Variants in HMG20A observed in about 807,000 individuals in gnomAD.
HMG20A encodes high mobility group protein 20A.
In HMG20A, 17 loss-of-function variants were observed where a neutral mutation model predicts 43.9. The observed-to-expected ratio is 0.39, with a 90% CI of 0.27 to 0.58. HMG20A has a LOEUF of 0.58. HMG20A is among the 20% of genes least tolerant of loss of function. The pLI, the probability that HMG20A is intolerant of heterozygous loss-of-function variation, is 0.59. For missense variants in HMG20A, 341 were observed against 438.2 expected (o/e 0.78, Z 1.98); for synonymous variants, 132 against 147.5 (o/e 0.89, Z 0.76).
At chr15:77,445,352 T>C (rs1262699338) in intron 1 of HMG20A, among the ~76,000 whole-genome samples, 1 of 152,148 alleles carries the variant, frequency 6.6e-6, no homozygotes, top group African/African-American at 2.4e-5. Flanking sequence ...TAACTATGAA[T>C]TTTATGTTTG....
rs943366779 is a variant in HMG20A, at chr15:77,484,119, T to G, written c.*1156T>G. The G allele has an allele frequency of 2.7e-5, 4 of 150,826 alleles. No homozygotes were observed. The highest frequency in any genetic ancestry group is 7.4e-5 in the African/African-American group (3 of 40,286). The allele number at this position is 150,826 out of a possible 1,614,324, so 9.3% of individuals were successfully genotyped here. ...GGACTTTCTGGTTCATTTTTGTTTGTTTTGTTTTGTTTTGTTTTGTTTACA... is the reference window on the plus strand; with the variant it reads ...GGACTTTCTGGTTCATTTTTGTTTGGTTTGTTTTGTTTTGTTTTGTTTACA... On this transcript the variant is annotated 3_prime_UTR_variant, in exon 10 of 10. Coordinates refer to ENST00000336216, the MANE Select transcript of HMG20A (RefSeq NM_001304504.2).
the HMG20A span, among the ~76,000 whole-genome samples, chr15:77,502,582 A>C: frequency 1.3e-5 from 2 of 152,172 alleles, no homozygotes; most frequent in African/African-American, 4.8e-5. Flanking sequence ...TCCTGTCCAG[A>C]TTGGGAGCCA....
the HMG20A span, among the ~76,000 whole-genome samples, chr15:77,518,759 C>G: frequency 1.3e-5 from 2 of 152,196 alleles, no homozygotes; most frequent in Non-Finnish European, 2.9e-5. Flanking sequence ...CATCTCAGAA[C>G]AGTCCAGGTG....
intron 1 of HMG20A, among the ~76,000 whole-genome samples, chr15:77,429,319 G>A (rs1368237043): frequency 6.6e-6 from 1 of 152,090 alleles, no homozygotes; most frequent in Admixed American, 6.6e-5. Flanking sequence ...AGCCTCCCAA[G>A]TAGCTGGGAT....
At chr15:77,510,218 G>A in the HMG20A span, among the ~76,000 whole-genome samples, 3 of 152,290 alleles carry the variant, frequency 2.0e-5, no homozygotes, top group Admixed American at 6.5e-5. Context: ...CACACAGCAT[G>A]CCTCAGTGAG....
intron 1 of HMG20A, among the ~76,000 whole-genome samples, chr15:77,438,101 C>T (rs1033273967): frequency 1.3e-5 from 2 of 150,964 alleles, no homozygotes; most frequent in Non-Finnish European, 2.9e-5. Flanking sequence ...GGACTGCAAG[C>T]TCATACCACC....
At chr15:77,475,749 G>A (rs998757325) in intron 6 of HMG20A, among the ~76,000 whole-genome samples, 29 of 152,236 alleles carry the variant, frequency 1.9e-4, no homozygotes, top group African/African-American at 7.0e-4. Context: ...AACAGTTAAA[G>A]CATATGGGAA....
Position 77,464,367 on chromosome 15 carries a change from G to A in HMG20A, c.217G>A (p.Glu73Lys). Residue 73 changes from glutamate (E) to lysine (K), a missense_variant, in exon 3 of 10, where the codon GAA becomes AAA. Around this residue, in one of 3 missense-constraint regions of HMG20A, gnomAD observed 220 missense variants for 263.6 expected, o/e 0.83. Transcript: ENST00000336216. ...SESSNAAEGN[E>K]QRHEDEQRSK... ...GTCTTCAAATGCAGCAGAAGGCAAT[G>A]AACAGAGGCATGAAGATGAGGTAAG... 1 of 1,613,666 alleles carries A rather than the reference G, an allele frequency of 6.2e-7. No individual in the cohort carries two copies.
intron 1 of HMG20A, among the ~76,000 whole-genome samples, chr15:77,452,347 G>A (rs757601030): frequency 1.5e-4 from 23 of 152,228 alleles, no homozygotes; most frequent in Non-Finnish European, 2.9e-4. Flanking sequence ...AAAGACAAGT[G>A]TAGTACAGTG....
At chr15:77,463,355 C>T (rs560464417) in intron 2 of HMG20A, among the ~76,000 whole-genome samples, 3 of 152,120 alleles carry the variant, frequency 2.0e-5, no homozygotes, top group Non-Finnish European at 4.4e-5. Flanking sequence ...TTAGTACTTA[C>T]GTTGCATTGT....
chr15:77,444,540 A>G (rs2073651965), intron 1 of HMG20A, among the ~76,000 whole-genome samples: 1 of 152,242 alleles, frequency 6.6e-6, no homozygotes. Context: ...AAAAAGAAAC[A>G]ATCAGTAGCT....
At chr15:77,425,642 G>A (rs919274368) in intron 1 of HMG20A, among the ~76,000 whole-genome samples, 32 of 152,310 alleles carry the variant, frequency 2.1e-4, no homozygotes, top group African/African-American at 6.5e-4. Context: ...AAGATGGTAG[G>A]TGTTTGAGTA....
chr15:77,480,107 A>G (rs2072892638), intron 9 of HMG20A, among the ~76,000 whole-genome samples: 1 of 151,978 alleles, frequency 6.6e-6, no homozygotes, highest in East Asian at 1.9e-4. Flanking sequence ...TCTGGGCAAC[A>G]TGACAAAACC....
chr15:77,470,975 A>G lies in HMG20A; in HGVS notation c.516A>G (p.Lys172=). The change falls in exon 5 of 10, where the codon AAA becomes AAG. Residue 172 remains lysine, a synonymous_variant. Coordinates refer to ENST00000336216, the MANE Select transcript of HMG20A (RefSeq NM_001304504.2). Reference sequence around the variant, plus strand: ...TGAAGGAACTGGAACAGTATCAGAAAACAGAGGCCTACAAGGTCTTCAGTA... The same window carrying G: ...TGAAGGAACTGGAACAGTATCAGAAGACAGAGGCCTACAAGGTCTTCAGTA... ...RYMKELEQYQ[K]TEAYKVFSRK... is the part of the protein sequence containing the mutation. 6.2e-7 allele frequency: 1 copy of G among 1,613,588 alleles called. No homozygotes were observed. Among genetic ancestry groups the G allele is most frequent in the South Asian group, 1.1e-5 (1 of 91,018 alleles).
chr15:77,515,215 G>A, the HMG20A span, among the ~76,000 whole-genome samples: 1 of 152,148 alleles, frequency 6.6e-6, no homozygotes, highest in Non-Finnish European at 1.5e-5. Context: ...TGGCCAGTGG[G>A]TACAATAGAC....
intron 1 of HMG20A, among the ~76,000 whole-genome samples, chr15:77,445,493 G>T (rs2073663334): frequency 6.6e-6 from 1 of 152,110 alleles, no homozygotes; most frequent in Non-Finnish European, 1.5e-5. Context: ...CTATACATAT[G>T]GTACACATGA....
chr15:77,450,559 A>G (rs1296272687), intron 1 of HMG20A, among the ~76,000 whole-genome samples: 2 of 152,230 alleles, frequency 1.3e-5, no homozygotes, highest in Non-Finnish European at 2.9e-5. Context: ...TTCAGAATTC[A>G]TGTGCTACCA....
chr15:77,488,725 GATTC>G (rs553363357), downstream of HMG20A, among the ~76,000 whole-genome samples: 162 of 152,258 alleles, frequency 1.1e-3, 1 homozygote, highest in Middle Eastern at 0.027. Flanking sequence ...GTTCACTTTT[GATTC>G]ATTCATAGAT....
At chr15:77,453,281 A>G (rs2142315827) in intron 1 of HMG20A, among the ~76,000 whole-genome samples, 1 of 152,342 alleles carries the variant, frequency 6.6e-6, no homozygotes, top group Non-Finnish European at 1.5e-5. Context: ...ATTTGAGTAG[A>G]CAGTTCTCCA....
Sources: gnomAD v4.1 joint callset for allele counts (sites outside exome capture counted in the v4.1 genomes callset) on GRCh38, gnomAD v4.1.1 for gene constraint, gnomAD v4.1.1 regional missense constraint, MANE v1.5 for transcripts, NCBI Gene and HGNC (gene_info 2026-07-23, HGNC 2026-07-21) for gene names.